The following PHYHD1 variants were observed in gnomAD, a reference collection of about 807,000 sequenced individuals.
The protein encoded by PHYHD1 is phytanoyl-CoA dioxygenase domain containing 1, also known as phytanoyl-CoA dioxygenase domain-containing protein 1.
Under a neutral mutation model 43.6 loss-of-function variants are expected in PHYHD1, and 42 were observed. The ratio of observed to expected loss-of-function variants is 0.96; its 90% CI spans 0.75 to 1.25. The LOEUF is 1.25. PHYHD1 is among the 50% of genes most tolerant of loss of function. PHYHD1 has a pLI of 0.00. For missense variants in PHYHD1, 342 were observed against 370.8 expected (o/e 0.92, Z 0.64); for synonymous variants, 139 against 143.6 (o/e 0.97, Z 0.23).
At chr9:128,937,897 C>T in intron 9 of PHYHD1, 119 bp downstream of exon 9, 3 of 1,563,692 alleles carry the variant, frequency 1.9e-6, no homozygotes, top group African/African-American at 1.4e-5. Flanking sequence ...AGGAGCCTGG[C>T]CCGGAGAGGA....
At chr9:128,926,028 C>T (rs1412657664) in intron 3 of PHYHD1, among the ~76,000 whole-genome samples, 2 of 152,150 alleles carry the variant, frequency 1.3e-5, no homozygotes, top group Non-Finnish European at 2.9e-5. Context: ...AGTGTAATGC[C>T]GGTCTCTTTC....
At chr9:128,922,670 A>T (rs564273305) in intron 3 of PHYHD1, among the ~76,000 whole-genome samples, 62 of 152,298 alleles carry the variant, frequency 4.1e-4, no homozygotes, top group Admixed American at 1.6e-3. Context: ...AGCGCCCAGG[A>T]GGGGGCGGGG....
At chr9:128,935,478 G>T (rs897745641) in intron 6 of PHYHD1, among the ~76,000 whole-genome samples, 1 of 149,110 alleles carries the variant, frequency 6.7e-6, no homozygotes, top group Non-Finnish European at 1.5e-5. Context: ...CAAAAAATTA[G>T]CCGGACCTTG....
At chr9:128,935,144 G>A (rs1841393357) in intron 6 of PHYHD1, among the ~76,000 whole-genome samples, 1 of 151,966 alleles carries the variant, frequency 6.6e-6, no homozygotes, top group African/African-American at 2.4e-5. Flanking sequence ...AAATTGAGAG[G>A]AGGTCTCGTT....
At chr9:128,938,396 A>G (rs1841478239) in intron 9 of PHYHD1, among the ~76,000 whole-genome samples, 1 of 152,126 alleles carries the variant, frequency 6.6e-6, no homozygotes, top group South Asian at 2.1e-4. Flanking sequence ...TTGAGCCAGT[A>G]GGGCTGCATG....
intron 3 of PHYHD1, among the ~76,000 whole-genome samples, chr9:128,924,992 CA>C (rs1841100278): frequency 6.6e-6 from 1 of 152,142 alleles, no homozygotes; most frequent in Non-Finnish European, 1.5e-5. Flanking sequence ...TTTACTGGAT[CA>C]AGGGTATGTT....
chr9:128,930,305 G>A (rs894381425), intron 4 of PHYHD1, among the ~76,000 whole-genome samples: 11 of 151,130 alleles, frequency 7.3e-5, no homozygotes, highest in Non-Finnish European at 1.3e-4. Context: ...ATTAGGCATG[G>A]TGGTGTGAAC....
At chr9:128,927,232 T>C (rs2131098695) in intron 4 of PHYHD1, 36 bp downstream of exon 4, 1 of 1,610,882 alleles carries the variant, frequency 6.2e-7, no homozygotes, top group Non-Finnish European at 8.5e-7. Flanking sequence ...GGGATGTGGC[T>C]TTTGAGGGAG....
At chr9:128,934,988 G>A (rs1234785640) in intron 6 of PHYHD1, among the ~76,000 whole-genome samples, 2 of 152,084 alleles carry the variant, frequency 1.3e-5, no homozygotes, top group Non-Finnish European at 2.9e-5. Flanking sequence ...TGGGTCCAGT[G>A]CTCCCTAGAG....
intron 6 of PHYHD1, 85 bp downstream of exon 6, chr9:128,934,143 T>C: frequency 7.1e-7 from 1 of 1,409,350 alleles, no homozygotes; most frequent in Non-Finnish European, 9.9e-7. Flanking sequence ...TAACTAACAC[T>C]TTGAGAAGTC....
In PHYHD1 at chr9:128,941,942, C is replaced by G; in HGVS notation, c.*229C>G. ...TAGCCTTGAGGAGGCTTCTCAGCCACCAAAGGGTTCTGGCCCCTTCTCACT... is the reference window on the plus strand; with the variant it reads ...TAGCCTTGAGGAGGCTTCTCAGCCAGCAAAGGGTTCTGGCCCCTTCTCACT... On this transcript the variant is annotated 3_prime_UTR_variant, in exon 13 of 13. Coordinates refer to ENST00000372592, the MANE Select transcript of PHYHD1 (RefSeq NM_001100876.2). The G allele has an allele frequency of 3.3e-6, 2 of 604,232 alleles. No individual in the cohort carries two copies. 37.4% of individuals were successfully genotyped at this position (604,232 alleles called of 1,614,324 possible). A position where few individuals can be genotyped will look rare whatever the true frequency, so the allele number is the denominator to read the frequency against.
In PHYHD1 at chr9:128,936,341, AAAGT is replaced by A. The variant is rs1267222154; in HGVS notation, c.317-102_317-99del. On this transcript the variant is annotated intron_variant, in intron 6 of 12. Transcript: ENST00000372592. ...AACAAGCAGAAGGGTTAATGCCTAC[AAAGT>A]AAGTGAGAATGTCAAAGTAAGCCTG... 26 of 1,461,906 alleles carry A rather than the reference AAAGT, an allele frequency of 1.8e-5. No individual in the cohort carries two copies. The East Asian group carries it at 3.0e-4, about 17-fold the overall frequency. 90.6% of individuals were successfully genotyped at this position (1,461,906 alleles called of 1,614,324 possible).
intron 9 of PHYHD1, among the ~76,000 whole-genome samples, chr9:128,939,029 C>T (rs1841492693): frequency 7.6e-6 from 1 of 131,542 alleles, no homozygotes; most frequent in South Asian, 2.5e-4. Flanking sequence ...AAGGGATGAC[C>T]ATCCCCACTC....
intron 9 of PHYHD1, 185 bp downstream of exon 9, chr9:128,937,963 C>T (rs971154248): frequency 6.8e-7 from 1 of 1,479,412 alleles, no homozygotes; most frequent in African/African-American, 1.4e-5. Context: ...ACCTTGCGTC[C>T]TTGGCATAGT....
At chr9:128,940,269 C>T (rs1479159026) in intron 9 of PHYHD1, 100 bp from the exon 10 acceptor site, 1 of 1,535,480 alleles carries the variant, frequency 6.5e-7, no homozygotes, top group Admixed American at 1.9e-5. Flanking sequence ...GAAGGCTGGC[C>T]CTGGAGAGCA....
intron 3 of PHYHD1, among the ~76,000 whole-genome samples, chr9:128,922,594 AG>A (rs1253662635): frequency 6.6e-6 from 1 of 152,186 alleles, no homozygotes; most frequent in Non-Finnish European, 1.5e-5. Flanking sequence ...ACCAAAAACG[AG>A]AATAAGGCCT....
chr9:128,934,798 A>T (rs1337487823), intron 6 of PHYHD1, among the ~76,000 whole-genome samples: 1 of 151,590 alleles, frequency 6.6e-6, no homozygotes, highest in Admixed American at 6.6e-5. Context: ...CAAGAAAGAA[A>T]GCCCATAGTA....
At chr9:128,938,052 A>G (rs997954436) in intron 9 of PHYHD1, 11 of 1,100,704 alleles carry the variant, frequency 1.0e-5, no homozygotes, top group Non-Finnish European at 1.2e-5. Flanking sequence ...CATGCCTGTA[A>G]TCCCAGCAAT....
At chr9:128,934,658 C>T (rs1052167861) in intron 6 of PHYHD1, among the ~76,000 whole-genome samples, 5 of 151,636 alleles carry the variant, frequency 3.3e-5, no homozygotes, top group Admixed American at 3.3e-4. Flanking sequence ...ATCCCAGCTA[C>T]TTGGGAGGCT....
Sources: gnomAD v4.1 joint callset for allele counts (sites outside exome capture counted in the v4.1 genomes callset) on GRCh38, gnomAD v4.1.1 for gene constraint, MANE v1.5 for transcripts, NCBI Gene and HGNC (gene_info 2026-07-23, HGNC 2026-07-21) for gene names.